Variants in ATP6V0A4 observed in about 807,000 individuals in gnomAD.
ATP6V0A4 encodes the protein ATPase H+ transporting V0 subunit a4.
Under a neutral mutation model 107.3 loss-of-function variants are expected in ATP6V0A4, and 86 were observed. The observed-to-expected ratio is 0.80, with a 90% CI of 0.67 to 0.96. The LOEUF is 0.96. Ranked by LOEUF, ATP6V0A4 falls within the 40% of genes least tolerant of loss-of-function variation. The pLI, the probability that ATP6V0A4 is intolerant of heterozygous loss-of-function variation, is 0.00. For missense variants in ATP6V0A4, 908 were observed against 1,045.6 expected (o/e 0.87, Z 1.81); for synonymous variants, 353 against 381.4 (o/e 0.93, Z 0.87).
At chr7:138,735,349 G>A (rs1217221092) in intron 15 of ATP6V0A4, among the ~76,000 whole-genome samples, 1 of 152,086 alleles carries the variant, frequency 6.6e-6, no homozygotes, top group Non-Finnish European at 1.5e-5. Flanking sequence ...TTTGCTCTGG[G>A]ACATGTCAAA....
Position 138,752,895 on chromosome 7 carries a change from G to A in ATP6V0A4, c.817-58C>T, listed in dbSNP as rs74806135. ...AACCTTCACAGAGCTGTTTGACAAG[G>A]TGCCAAAAATGGAGTGTCACAGGCC... On this transcript the variant is annotated intron_variant, in intron 10 of 21. Transcript: ENST00000310018. 3.7e-3 allele frequency: 5,910 copies of A among 1,599,682 alleles called. 182 individuals carry two copies. The African/African-American group carries it at 0.067, about 18-fold the overall frequency.
intron 19 of ATP6V0A4, among the ~76,000 whole-genome samples, chr7:138,717,398 T>G (rs947447934): frequency 6.6e-6 from 1 of 151,438 alleles, no homozygotes; most frequent in Non-Finnish European, 1.5e-5. Flanking sequence ...ATTAAAAAAT[T>G]AACTGGGTGT....
chr7:138,724,189 CAAAAAA>C (rs3080498), intron 18 of ATP6V0A4, among the ~76,000 whole-genome samples: 1 of 92,812 alleles, frequency 1.1e-5, no homozygotes. Flanking sequence ...GACTCTGCCT[CAAAAAA>C]AAAAAAAAAA....
intron 14 of ATP6V0A4, among the ~76,000 whole-genome samples, chr7:138,740,078 G>T (rs75362453): frequency 0.031 from 4,327 of 140,882 alleles, 173 homozygotes; most frequent in East Asian, 0.11. Flanking sequence ...CTGGGCAACA[G>T]AGTGAGACTC....
At chr7:138,751,924 G>A (rs1394431373) in intron 11 of ATP6V0A4, among the ~76,000 whole-genome samples, 2 of 152,098 alleles carry the variant, frequency 1.3e-5, no homozygotes, top group African/African-American at 4.8e-5. Context: ...GATCACCTGA[G>A]CCCAGGAGTT....
chr7:138,729,866 G>A lies in ATP6V0A4; in HGVS notation c.1909-1004C>T, dbSNP rs149526568. Among the ~76,000 whole-genome samples the A allele has an allele frequency of 4.7e-3, 714 of 152,176 alleles. 4 individuals are homozygous for A. Among genetic ancestry groups the A allele is most frequent in the African/African-American group, 0.017 (687 of 41,532 alleles). On this transcript the variant is annotated intron_variant, in intron 17 of 21. Coordinates refer to ENST00000310018, the MANE Select transcript of ATP6V0A4 (RefSeq NM_020632.3). ...CTGATAATAGAGTGAACACTTTATC[G>A]GTTCCATCTTCCATCCTCACTCAAC...
At chr7:138,793,239 G>C (rs921326052) in intron 1 of ATP6V0A4, among the ~76,000 whole-genome samples, 3 of 152,164 alleles carry the variant, frequency 2.0e-5, no homozygotes, top group Non-Finnish European at 4.4e-5. Flanking sequence ...AAGTTGCAGT[G>C]AGCCGAGATC....
chr7:138,797,611 A>G (rs983105081), intron 1 of ATP6V0A4, among the ~76,000 whole-genome samples: 9 of 151,906 alleles, frequency 5.9e-5, no homozygotes, highest in African/African-American at 2.2e-4. Context: ...CATTCCTCAA[A>G]CACGGTTCTG....
chr7:138,784,239 T>TATATATATATATAC (rs1320407494), intron 2 of ATP6V0A4, among the ~76,000 whole-genome samples: 42 of 9,612 alleles, frequency 4.4e-3, no homozygotes, highest in East Asian at 0.043. Context: ...TATATACGTA[T>TATATATATATATAC]ATATATATAT....
Position 138,756,534 on chromosome 7 carries a change from C to T in ATP6V0A4, c.646G>A (p.Glu216Lys), listed in dbSNP as rs745715623. The part of the protein sequence containing the change: ...APLEDPVTKE[E>K]IQKNIFIIFY... ...ATGATGAATATGTTCTTCTGAATTT[C>T]TTCTTTCTGGAAAATCAGAATAAGT... is the stretch of plus-strand genomic sequence containing the variant. The change falls in exon 9 of 22, where the codon GAA (glutamate) becomes AAA (lysine). Residue 216 changes from glutamate (E) to lysine (K), a missense_variant. Coordinates refer to ENST00000310018, the MANE Select transcript of ATP6V0A4 (RefSeq NM_020632.3). The T allele has an allele frequency of 2.4e-5, 39 of 1,592,610 alleles. No homozygotes were observed. In the African/African-American group the frequency reaches 4.6e-4, roughly 19 times the overall value.
At chr7:138,755,972 A>G in intron 9 of ATP6V0A4, 190 bp from the exon 10 acceptor site, 1 of 1,008,522 alleles carries the variant, frequency 9.9e-7, no homozygotes, top group Non-Finnish European at 1.4e-6. Context: ...TGTGCTGTGA[A>G]TTGAGGCTGC....
In ATP6V0A4 at chr7:138,752,687, CG is replaced by C; in HGVS notation, c.966del (p.Ile322MetfsTer24). On this transcript the variant is annotated frameshift_variant, in exon 11 of 22. Coordinates refer to ENST00000310018, the MANE Select transcript of ATP6V0A4 (RefSeq NM_020632.3). LOFTEE classifies it high-confidence loss of function. ...TCTGCCACCGGGAACCAGATCTCGG[CG>C]ATGACACACTGCTGGGTGACGTCGA... ...CNIDVTQQCVIAEIWFPVADA... is the reference protein window; with the variant it reads ...CNIDVTQQCVXAEIWFPVADA... 1.2e-6 allele frequency: 2 copies of C among 1,613,950 alleles called. No homozygotes were observed. The highest frequency in any genetic ancestry group is 1.7e-6 in the Non-Finnish European group (2 of 1,179,912).
chr7:138,763,188 C>T (rs1447005070), intron 5 of ATP6V0A4, 163 bp from the exon 6 acceptor site: 1 of 197,750 alleles, frequency 5.1e-6, no homozygotes, highest in Non-Finnish European at 8.3e-6. Context: ...CACACACAGA[C>T]ACACACACAC....
At chr7:138,728,308 C>T (rs867521560) in intron 18 of ATP6V0A4, among the ~76,000 whole-genome samples, 9 of 149,146 alleles carry the variant, frequency 6.0e-5, no homozygotes, top group Middle Eastern at 3.4e-3. Flanking sequence ...CCGCAATCTC[C>T]CCCACCACCC....
chr7:138,736,312 A>T (rs936481733), intron 15 of ATP6V0A4, among the ~76,000 whole-genome samples: 3 of 152,176 alleles, frequency 2.0e-5, no homozygotes, highest in Non-Finnish European at 4.4e-5. Context: ...ATACTAAGCA[A>T]TTTAGATGTG....
At chr7:138,708,527 A>C (rs1206243617) in intron 21 of ATP6V0A4, among the ~76,000 whole-genome samples, 1 of 152,174 alleles carries the variant, frequency 6.6e-6, no homozygotes, top group Non-Finnish European at 1.5e-5. Context: ...AGCTGGGTAC[A>C]GTCTCTGCAG....
intron 2 of ATP6V0A4, among the ~76,000 whole-genome samples, chr7:138,784,470 C>G (rs565948924): frequency 3.3e-5 from 5 of 151,432 alleles, no homozygotes; most frequent in South Asian, 2.1e-4. Flanking sequence ...AGACACCCAC[C>G]ACCACACCCA....
chr7:138,725,602 T>G (rs1052292393), intron 18 of ATP6V0A4, among the ~76,000 whole-genome samples: 3 of 151,896 alleles, frequency 2.0e-5, no homozygotes, highest in Admixed American at 1.3e-4. Flanking sequence ...CATCTCCACC[T>G]CTCAGGTTCA....
intron 2 of ATP6V0A4, among the ~76,000 whole-genome samples, chr7:138,781,851 T>C (rs1807940896): frequency 6.6e-6 from 1 of 151,180 alleles, no homozygotes; most frequent in Non-Finnish European, 1.5e-5. Context: ...CTCTTTTTTT[T>C]TTTTTTTGTA....
Sources: allele counts gnomAD v4.1 joint callset (sites outside exome capture counted in the v4.1 genomes callset), GRCh38; gene constraint gnomAD v4.1.1; transcripts MANE v1.5; gene names NCBI Gene and HGNC (gene_info 2026-07-23, HGNC 2026-07-21).